PKHD1L1: variants seen among roughly 807,000 people sequenced by gnomAD.
PKHD1L1 encodes the protein PKHD1 like 1.
A neutral mutation model predicts 462.9 loss-of-function variants in PKHD1L1; 434 were observed. The ratio of observed to expected loss-of-function variants is 0.94; its 90% CI spans 0.87 to 1.02. The LOEUF is 1.02. Among genes scored for constraint, PKHD1L1 ranks in the 50% least tolerant of loss-of-function variants. PKHD1L1 has a pLI of 0.00. For synonymous variants in PKHD1L1, 1,781 were observed against 1,750.0 expected, an observed-to-expected ratio of 1.02 and a Z score of -0.44; for missense variants, 5,202 against 5,096.1, an observed-to-expected ratio of 1.02 and a Z score of -0.63.
At chr8:109,426,062 A>G (rs1262754976) in intron 24 of PKHD1L1, among the ~76,000 whole-genome samples, 1 of 152,144 alleles carries the variant, frequency 6.6e-6, no homozygotes, top group East Asian at 1.9e-4. Context: ...TATAATTTAC[A>G]TAATTGAGAG....
intron 32 of PKHD1L1, among the ~76,000 whole-genome samples, chr8:109,439,851 G>C (rs1307763744): frequency 6.6e-6 from 1 of 152,072 alleles, no homozygotes; most frequent in Non-Finnish European, 1.5e-5. Flanking sequence ...TAGAAGGAGA[G>C]ATGATTGCAG....
Position 109,464,515 on chromosome 8 carries a change from A to C in PKHD1L1, c.7683A>C (p.Ala2561=). The C allele has an allele frequency of 6.2e-7, 1 of 1,613,772 alleles. No individual in the cohort carries two copies. The highest frequency in any genetic ancestry group is 8.5e-7 in the Non-Finnish European group (1 of 1,179,786). The stretch of plus-strand genomic sequence containing the variant: ...TGAATGATGATGTGACCCCGGCTGC[A>C]TTTTGGGTCACCAACCCGAACAATA... ...SLLNDDVTPA[A]FWVTNPNNTI... Residue 2561 remains alanine (A), a synonymous_variant, in exon 49 of 78, where the codon GCA becomes GCC. Transcript: ENST00000378402.
chr8:109,499,549 T>C (rs1310264954), intron 67 of PKHD1L1, among the ~76,000 whole-genome samples: 1 of 152,234 alleles, frequency 6.6e-6, no homozygotes, highest in Non-Finnish European at 1.5e-5. Context: ...TGGCTTTTAA[T>C]AAATAATATG....
At chr8:109,483,938 A>G (rs901290102) in intron 57 of PKHD1L1, among the ~76,000 whole-genome samples, 1 of 151,756 alleles carries the variant, frequency 6.6e-6, no homozygotes, top group African/African-American at 2.4e-5. Context: ...TAGAGTCCAC[A>G]GGTTTTACAA....
chr8:109,390,603 T>A, intron 9 of PKHD1L1, 109 bp downstream of exon 9: 1 of 535,166 alleles, frequency 1.9e-6, no homozygotes, highest in Non-Finnish European at 3.0e-6. Context: ...AATTAACTAC[T>A]TTTTTTCCCC....
rs142060500 is a variant in PKHD1L1 at position 109,389,969 on chromosome 8, A to C, written c.698-483A>C. The stretch of plus-strand genomic sequence containing the variant: ...GTCTTACATTCTCAAAGCTCATACT[A>C]CTTTTTTTTTTTAAATAGCATTATC... On this transcript the variant is annotated intron_variant, in intron 8 of 77. Coordinates refer to ENST00000378402, the MANE Select transcript of PKHD1L1 (RefSeq NM_177531.6). Among the ~76,000 whole-genome samples, 205 of 150,482 alleles carry C rather than the reference A, an allele frequency of 1.4e-3. 1 individual carries two copies. Among genetic ancestry groups the C allele is most frequent in the African/African-American group, 4.7e-3 (193 of 40,890 alleles).
chr8:109,488,201 A>T (rs1243843714), intron 59 of PKHD1L1, among the ~76,000 whole-genome samples: 1 of 151,976 alleles, frequency 6.6e-6, no homozygotes, highest in Non-Finnish European at 1.5e-5. Context: ...ATTTTTCCTC[A>T]TATTGACTAG....
intron 2 of PKHD1L1, among the ~76,000 whole-genome samples, chr8:109,370,125 T>G (rs1811423044): frequency 6.6e-6 from 1 of 152,138 alleles, no homozygotes; most frequent in Admixed American, 6.5e-5. Flanking sequence ...TTTTATTTAT[T>G]TTTATTTTTT....
At chr8:109,487,577 A>G (rs1447513903) in intron 59 of PKHD1L1, among the ~76,000 whole-genome samples, 1 of 151,726 alleles carries the variant, frequency 6.6e-6, no homozygotes, top group African/African-American at 2.4e-5. Flanking sequence ...ATTTATCTAT[A>G]AAAGAAGTTG....
At position 109,480,136 on chromosome 8, in the gene PKHD1L1, G is replaced by C; in HGVS notation, c.9324G>C (p.Leu3108=). 6.4e-7 allele frequency: 1 copy of C among 1,556,348 alleles called. No individual in the cohort carries two copies. The highest frequency in any genetic ancestry group is 8.7e-7 in the Non-Finnish European group (1 of 1,153,470). ...TTTTGAATGCTACCTACATATCACT[G>C]CAGGTAAGAGTGAGGGCCTTGTAGT... is the stretch of plus-strand genomic sequence containing the variant. The part of the protein sequence containing the change: ...EVVLNATYIS[L]QGGRLIGGWE... The change falls in exon 55 of 78, where the codon CTG becomes CTC. Residue 3108 remains leucine, a synonymous_variant. Transcript: ENST00000378402.
chr8:109,494,282 C>G (rs1057026641), intron 63 of PKHD1L1, among the ~76,000 whole-genome samples: 1 of 151,320 alleles, frequency 6.6e-6, no homozygotes, highest in African/African-American at 2.4e-5. Flanking sequence ...ACATTTACAC[C>G]TTGCTGGTTG....
intron 1 of PKHD1L1, among the ~76,000 whole-genome samples, chr8:109,363,061 C>A (rs1173075079): frequency 1.3e-5 from 2 of 152,110 alleles, no homozygotes; most frequent in Non-Finnish European, 2.9e-5. Flanking sequence ...AGGGCAACAA[C>A]CCCCAGTAGG....
Position 109,404,807 on chromosome 8 carries a change from T to C in PKHD1L1, c.1533+94T>C, listed in dbSNP as rs1046384149. ...AATTTTACTAGGTAAGATACTGTTTTAGGTGAAAGCAGTCATGGACAATTA... is the reference window on the plus strand; with the variant it reads ...AATTTTACTAGGTAAGATACTGTTTCAGGTGAAAGCAGTCATGGACAATTA... On this transcript the variant is annotated intron_variant, in intron 15 of 77. Transcript: ENST00000378402. The C allele has an allele frequency of 8.4e-6, 11 of 1,306,368 alleles. No homozygotes were observed. The African/African-American group carries it at 1.7e-4, about 20-fold the overall frequency. 80.9% of individuals were successfully genotyped at this position (1,306,368 alleles called of 1,614,324 possible).
intron 72 of PKHD1L1, among the ~76,000 whole-genome samples, chr8:109,516,147 T>C (rs1265018926): frequency 6.6e-6 from 1 of 152,154 alleles, no homozygotes; most frequent in Non-Finnish European, 1.5e-5. Context: ...TGTTACTACA[T>C]CATAGTAACT....
chr8:109,419,737 A>G (rs572740709), intron 22 of PKHD1L1, among the ~76,000 whole-genome samples: 143 of 152,154 alleles, frequency 9.4e-4, no homozygotes, highest in Non-Finnish European at 1.3e-3. Flanking sequence ...AGTCATGTTA[A>G]TAGACATGAC....
At chr8:109,473,531 GAA>G (rs376984461) in intron 50 of PKHD1L1, among the ~76,000 whole-genome samples, 6,478 of 150,584 alleles carry the variant, frequency 0.043, 194 homozygotes, top group Middle Eastern at 0.08. Flanking sequence ...AAAAAAAAAA[GAA>G]AAGAAAAAGA....
At position 109,440,830 on chromosome 8, in the gene PKHD1L1, A is replaced by G; in HGVS notation, c.4077A>G (p.Pro1359=). The change falls in exon 33 of 78, where the codon CCA becomes CCG. Residue 1359 remains proline, a synonymous_variant. Transcript: ENST00000378402. ...TIRGFGFSTI[P]AENTVLLGSI... is the part of the protein sequence containing the mutation. ...GGGGTTTTGGATTCAGCACAATACC[A>G]GCTGAGAATACCGTGCTGTTAGGTA... 6.2e-7 allele frequency: 1 copy of G among 1,612,658 alleles called. No individual in the cohort carries two copies.
At position 109,530,400 on chromosome 8, in the gene PKHD1L1, G is replaced by A. The variant is rs1480936094; in HGVS notation, c.*310G>A. ...CATAGAATCCTTTAAATAATGGAAA[G>A]AGCTTGTCTAGTTCCGACTTAAGCT... On this transcript the variant is annotated 3_prime_UTR_variant, in exon 78 of 78. Transcript: ENST00000378402. 3 of 179,128 alleles carry A rather than the reference G, an allele frequency of 1.7e-5. No individual in the cohort carries two copies. Among genetic ancestry groups the A allele is most frequent in the African/African-American group, 7.1e-5 (3 of 42,156 alleles). The allele number at this position is 179,128 out of a possible 1,614,324, so 11.1% of individuals were successfully genotyped here.
At chr8:109,439,723 T>C (rs1210004407) in intron 32 of PKHD1L1, among the ~76,000 whole-genome samples, 1 of 152,048 alleles carries the variant, frequency 6.6e-6, no homozygotes, top group East Asian at 1.9e-4. Flanking sequence ...CCTGAAACTG[T>C]TTGTTAACTG....
Sources: allele counts gnomAD v4.1 joint callset (sites outside exome capture counted in the v4.1 genomes callset), GRCh38; gene constraint gnomAD v4.1.1; transcripts MANE v1.5; gene names NCBI Gene and HGNC (gene_info 2026-07-23, HGNC 2026-07-21).